Variants in ZNG1E observed in about 807,000 individuals in gnomAD.
The protein encoded by ZNG1E is Zn regulated GTPase metalloprotein activator 1E, also known as zinc-regulated GTPase metalloprotein activator 1E.
At chr9:65,690,919 C>T in the ZNG1E span, 2 of 1,588,514 alleles carry the variant, frequency 1.3e-6, no homozygotes, top group Non-Finnish European at 1.7e-6. Context: ...AATCATGTTT[C>T]TCAGTGTGAA....
chr9:65,699,963 C>T, the ZNG1E span, among the ~76,000 whole-genome samples: 6 of 151,314 alleles, frequency 4.0e-5, no homozygotes, highest in Admixed American at 6.6e-5. Context: ...ATCTTTGTAG[C>T]GCAAGAGTAG....
At chr9:65,677,011 TA>T in the ZNG1E span, 1 of 497,374 alleles carries the variant, frequency 2.0e-6, no homozygotes, top group East Asian at 4.2e-5. Flanking sequence ...ACCTTTTATG[TA>T]AAAATAAGAA....
At chr9:65,714,983 G>A in the ZNG1E span, among the ~76,000 whole-genome samples, 1 of 150,098 alleles carries the variant, frequency 6.7e-6, no homozygotes, top group Non-Finnish European at 1.5e-5. Context: ...AATGGCGGGC[G>A]CCCCTCCCCC....
chr9:65,703,842 G>A, the ZNG1E span: 1 of 967,672 alleles, frequency 1.0e-6, no homozygotes, highest in Non-Finnish European at 1.2e-6. Flanking sequence ...TTATATGCAT[G>A]TGAACAGCTG....
the ZNG1E span, chr9:65,677,041 A>T: frequency 0.24 from 68,406 of 285,056 alleles, 26,731 homozygotes; most frequent in South Asian, 0.72. Flanking sequence ...TTTTTTTTTT[A>T]AAAAACTTTG....
chr9:65,730,639 G>A, the ZNG1E span, among the ~76,000 whole-genome samples: 1 of 27,954 alleles, frequency 3.6e-5, no homozygotes, highest in East Asian at 5.7e-4. Context: ...ATGTAATGGT[G>A]AGTAAAATTG....
At chr9:65,674,966 G>GA in the ZNG1E span, among the ~76,000 whole-genome samples, 1 of 145,220 alleles carries the variant, frequency 6.9e-6, no homozygotes. Context: ...CAGTGATGCT[G>GA]AAAAATATAG....
chr9:65,664,262 G>T, the ZNG1E span, among the ~76,000 whole-genome samples: 1 of 151,500 alleles, frequency 6.6e-6, no homozygotes, highest in Non-Finnish European at 1.5e-5. Context: ...TTTTTGGGGG[G>T]GGTGATATGG....
At chr9:65,717,439 C>A in the ZNG1E span, among the ~76,000 whole-genome samples, 1 of 148,140 alleles carries the variant, frequency 6.8e-6, no homozygotes, top group African/African-American at 2.6e-5. Context: ...AACCAGAAGT[C>A]TAGCCCATCC....
chr9:65,678,538 C>T, the ZNG1E span, among the ~76,000 whole-genome samples: 1 of 95,982 alleles, frequency 1.0e-5, no homozygotes, highest in Non-Finnish European at 2.2e-5. Flanking sequence ...AAATGTCCAA[C>T]AAAAAAAAAA....
chr9:65,719,183 GCTTAACTGCTAAACAGGAGAAT>G, the ZNG1E span, among the ~76,000 whole-genome samples: 14 of 136,860 alleles, frequency 1.0e-4, no homozygotes, highest in Admixed American at 3.7e-4. Flanking sequence ...TTTTGTGTGT[GCTTAACTGCTAAACAGGAGAAT>G]CTTTTCCTGA....
chr9:65,732,961 G>A, the ZNG1E span: 46 of 1,608,420 alleles, frequency 2.9e-5, 5 homozygotes, highest in African/African-American at 5.4e-4. Flanking sequence ...AACTGAGGCT[G>A]ATCAATGTTC....
the ZNG1E span, among the ~76,000 whole-genome samples, chr9:65,671,389 T>G: frequency 1.3e-5 from 2 of 151,980 alleles, no homozygotes; most frequent in Non-Finnish European, 2.9e-5. Context: ...GGCACAATCT[T>G]GGCTCACTTC....
chr9:65,723,071 AT>A, the ZNG1E span: 12 of 397,248 alleles, frequency 3.0e-5, no homozygotes, highest in Non-Finnish European at 3.9e-5. Flanking sequence ...TGACGGTAGG[AT>A]TTTTTTTGAC....
At chr9:65,694,115 C>G in the ZNG1E span, among the ~76,000 whole-genome samples, 2 of 150,566 alleles carry the variant, frequency 1.3e-5, no homozygotes, top group Non-Finnish European at 3.0e-5. Flanking sequence ...CAGTTTCACG[C>G]AGAAAAATTC....
chr9:65,684,550 G>GCACACA, the ZNG1E span, among the ~76,000 whole-genome samples: 157 of 132,558 alleles, frequency 1.2e-3, 1 homozygote, highest in East Asian at 3.3e-3. Flanking sequence ...ACACACGCAC[G>GCACACA]CACACACACA....
the ZNG1E span, chr9:65,704,992 T>C: frequency 6.8e-6 from 1 of 146,762 alleles, no homozygotes; most frequent in East Asian, 1.9e-4. Flanking sequence ...AGTTTTGTTT[T>C]ATTTTTTGTT....
At chr9:65,661,743 C>T in the ZNG1E span, among the ~76,000 whole-genome samples, 4 of 152,320 alleles carry the variant, frequency 2.6e-5, no homozygotes, top group Admixed American at 6.5e-5. Context: ...CCAATGGTTA[C>T]CTGGGGCCTA....
chr9:65,670,916 AT>A, the ZNG1E span, among the ~76,000 whole-genome samples: 7 of 144,532 alleles, frequency 4.8e-5, no homozygotes, highest in African/African-American at 1.7e-4. Context: ...ACAGCTGAGC[AT>A]TTGCCTTATT....
Sources: allele counts gnomAD v4.1 joint callset (sites outside exome capture counted in the v4.1 genomes callset), GRCh38; gene constraint gnomAD v4.1.1; transcripts MANE v1.5; gene names NCBI Gene and HGNC (gene_info 2026-07-23, HGNC 2026-07-21).